Variants in CCNY observed in about 807,000 individuals in gnomAD.
The protein encoded by CCNY is cyclin-Y.
Under a neutral mutation model 42.8 loss-of-function variants are expected in CCNY, and 19 were observed. The observed-to-expected ratio is 0.44, with a 90% CI of 0.31 to 0.65. The LOEUF is 0.65. Ranked by LOEUF, CCNY falls within the 30% of genes least tolerant of loss-of-function variation. The pLI, the probability that CCNY is intolerant of heterozygous loss-of-function variation, is 0.07. For synonymous variants in CCNY, 165 were observed against 162.7 expected, an observed-to-expected ratio of 1.01 and a Z score of -0.11; for missense variants, 370 against 437.3, an observed-to-expected ratio of 0.85 and a Z score of 1.37.
intron 4 of CCNY, among the ~76,000 whole-genome samples, chr10:35,523,193 C>T (rs1001042768): frequency 6.6e-6 from 1 of 152,072 alleles, no homozygotes; most frequent in African/African-American, 2.4e-5. Context: ...TTCCAACAGC[C>T]GTATTTGACA....
intron 3 of CCNY, among the ~76,000 whole-genome samples, chr10:35,512,035 C>T (rs988460931): frequency 6.6e-6 from 1 of 152,064 alleles, no homozygotes; most frequent in East Asian, 1.9e-4. Context: ...TGAGAGTCCA[C>T]GTGGCTTTCA....
intron 3 of CCNY, among the ~76,000 whole-genome samples, chr10:35,316,169 C>T (rs1428113283): frequency 1.3e-5 from 2 of 152,158 alleles, no homozygotes; most frequent in African/African-American, 2.4e-5. Flanking sequence ...GTTGTGAATA[C>T]TTTGGCCATA....
intron 1 of CCNY, among the ~76,000 whole-genome samples, chr10:35,428,002 A>G (rs894297035): frequency 6.6e-6 from 1 of 152,214 alleles, no homozygotes; most frequent in African/African-American, 2.4e-5. Flanking sequence ...GATGAAGGAA[A>G]GTAAATTGGA....
At chr10:35,515,348 T>G (rs1022050596) in intron 3 of CCNY, among the ~76,000 whole-genome samples, 2 of 152,280 alleles carry the variant, frequency 1.3e-5, no homozygotes, top group Non-Finnish European at 2.9e-5. Context: ...TAGTATCATT[T>G]GTTATCTAGT....
At chr10:35,248,056 T>C (rs1203173748) in intron 1 of CCNY, 1 of 152,312 alleles carries the variant, frequency 6.6e-6, no homozygotes, top group East Asian at 1.9e-4. Context: ...TCACCATCAC[T>C]TTATGTGCAA....
At chr10:35,375,553 T>C (rs1837033833) in intron 1 of CCNY, among the ~76,000 whole-genome samples, 1 of 152,232 alleles carries the variant, frequency 6.6e-6, no homozygotes, top group African/African-American at 2.4e-5. Flanking sequence ...GGGGAAATGT[T>C]CTAAGTATTG....
rs535660677 is a variant in CCNY, at chr10:35,343,012, T to C, written c.154+5805T>C. Among the ~76,000 whole-genome samples the C allele has an allele frequency of 2.0e-5, 3 of 151,480 alleles. No individual in the cohort carries two copies. The East Asian group carries it at 5.8e-4, about 29-fold the overall frequency. On this transcript the variant is annotated intron_variant, in intron 1 of 9. Transcript: ENST00000374704. ...CTTTCCTGCCTGCCTTTTTTTTTTTTTTTTTTTTAAGACAGGGTTTTACTC... is the reference window on the plus strand; with the variant it reads ...CTTTCCTGCCTGCCTTTTTTTTTTTCTTTTTTTTAAGACAGGGTTTTACTC...
At chr10:35,253,414 ATTTTTTTTTTT>A (rs61405875) in intron 3 of CCNY, among the ~76,000 whole-genome samples, 1,243 of 88,932 alleles carry the variant, frequency 0.014, 7 homozygotes, top group Non-Finnish European at 0.019. Context: ...CATGCTCACT[ATTTTTTTTTTT>A]TTTTTTTTTT....
chr10:35,337,172 A>G lies in CCNY; in HGVS notation c.119A>G (p.Asn40Ser). The change falls in exon 1 of 10, where the codon AAC (asparagine) becomes AGC (serine). Residue 40 changes from asparagine to serine, a missense_variant. By Grantham distance (46) the Asn-to-Ser change is conservative. Transcript: ENST00000374704. ...TDLSREDTGC[N>S]LQHISDRENI... ...CTGAGCCGCGAGGACACGGGCTGCA[A>G]CCTGCAGCACATCAGCGACCGGGAG... 5 of 1,571,124 alleles carry G rather than the reference A, an allele frequency of 3.2e-6. No individual in the cohort carries two copies. The highest frequency in any genetic ancestry group is 1.2e-5 in the South Asian group (1 of 85,388).
At chr10:35,523,450 C>T (rs1180105642) in intron 4 of CCNY, among the ~76,000 whole-genome samples, 1 of 152,170 alleles carries the variant, frequency 6.6e-6, no homozygotes, top group African/African-American at 2.4e-5. Flanking sequence ...CCTCTTTGGG[C>T]AGTCACTTCC....
intron 2 of CCNY, among the ~76,000 whole-genome samples, chr10:35,485,333 CT>C (rs1276071958): frequency 6.6e-6 from 1 of 152,210 alleles, no homozygotes; most frequent in Non-Finnish European, 1.5e-5. Context: ...TTTTTAAAAA[CT>C]TTTTGGCCTT....
intron 2 of CCNY, among the ~76,000 whole-genome samples, chr10:35,249,914 G>A (rs1464528988): frequency 6.6e-6 from 1 of 152,098 alleles, no homozygotes; most frequent in Non-Finnish European, 1.5e-5. Flanking sequence ...GCCGGGTGTG[G>A]CCGGGTGCGG....
At chr10:35,488,902 A>G (rs768462189) in intron 2 of CCNY, among the ~76,000 whole-genome samples, 1 of 152,160 alleles carries the variant, frequency 6.6e-6, no homozygotes, top group South Asian at 2.1e-4. Context: ...TTTCCATACT[A>G]TTTTCTCCAT....
In CCNY at chr10:35,437,499, C is replaced by G. The variant is rs116014933; in HGVS notation, c.155-45905C>G. On this transcript the variant is annotated intron_variant, in intron 1 of 9. Transcript: ENST00000374704. The stretch of plus-strand genomic sequence containing the variant: ...CAAAAACCTGCCTCTACAAAAAATA[C>G]GAAAATTAACCAGTCATGGTGGCAT... Among the ~76,000 whole-genome samples the G allele has an allele frequency of 6.8e-3, 1,030 of 151,998 alleles. 11 individuals carry two copies. The highest frequency in any genetic ancestry group is 0.024 in the African/African-American group (984 of 41,462).
At chr10:35,535,209 G>T (rs971545989) in intron 7 of CCNY, among the ~76,000 whole-genome samples, 1 of 151,988 alleles carries the variant, frequency 6.6e-6, no homozygotes. Flanking sequence ...CGTATTTATT[G>T]AGTAAAGGAG....
At position 35,515,928 on chromosome 10, in the gene CCNY, G is replaced by T. The variant is rs112353496; in HGVS notation, c.265-595G>T. Among the ~76,000 whole-genome samples the T allele has an allele frequency of 3.4e-3, 512 of 152,288 alleles. 4 individuals are homozygous for T. Among genetic ancestry groups the T allele is most frequent in the African/African-American group, 0.012 (482 of 41,548 alleles). On this transcript the variant is annotated intron_variant, in intron 3 of 9. Transcript: ENST00000374704. ...AAGAACTATCTAAAGGTCATTCATT[G>T]GTTGTATTTTCAAAAGTATCAGATA...
At chr10:35,248,732 G>A (rs1262417416) in intron 2 of CCNY, among the ~76,000 whole-genome samples, 12 of 152,118 alleles carry the variant, frequency 7.9e-5, no homozygotes, top group Non-Finnish European at 1.6e-4. Context: ...CCAGCACTTC[G>A]GGAGGCCAAG....
At chr10:35,320,497 C>G (rs1564368015) in intron 3 of CCNY, among the ~76,000 whole-genome samples, 1 of 152,306 alleles carries the variant, frequency 6.6e-6, no homozygotes, top group South Asian at 2.1e-4. Flanking sequence ...CTCTGAAAAA[C>G]CTTCAGCTAA....
chr10:35,356,373 C>T (rs570942671), intron 1 of CCNY, among the ~76,000 whole-genome samples: 135 of 152,218 alleles, frequency 8.9e-4, no homozygotes, highest in African/African-American at 2.8e-3. Flanking sequence ...GGTCAAAATC[C>T]GATTTTAAAA....
Sources: allele counts gnomAD v4.1 joint callset (sites outside exome capture counted in the v4.1 genomes callset), GRCh38; gene constraint gnomAD v4.1.1; transcripts MANE v1.5; gene names NCBI Gene and HGNC (gene_info 2026-07-23, HGNC 2026-07-21).